Variants in RASGRF2 observed in about 807,000 individuals in gnomAD.
RASGRF2 encodes the protein Ras protein specific guanine nucleotide releasing factor 2, also known as ras-specific guanine nucleotide-releasing factor 2.
A neutral mutation model predicts 151.0 loss-of-function variants in RASGRF2; 76 were observed. That is an observed-to-expected ratio of 0.50 (90% confidence interval 0.42 to 0.61). The LOEUF is 0.61. RASGRF2 is among the 20% of genes least tolerant of loss of function. RASGRF2 has a pLI of 0.00. For synonymous variants in RASGRF2, 504 were observed against 566.5 expected, an observed-to-expected ratio of 0.89 and a Z score of 1.57; for missense variants, 1,148 against 1,564.6, an observed-to-expected ratio of 0.73 and a Z score of 4.49.
At chr5:81,162,715 C>T (rs1314858314) in intron 17 of RASGRF2, among the ~76,000 whole-genome samples, 1 of 152,168 alleles carries the variant, frequency 6.6e-6, no homozygotes, top group Non-Finnish European at 1.5e-5. Context: ...CTCTGACATC[C>T]GACAGGAAAA....
In RASGRF2 at chr5:81,112,701, G is replaced by C; in HGVS notation, c.1930G>C (p.Val644Leu). 6.2e-7 allele frequency: 1 copy of C among 1,614,196 alleles called. No homozygotes were observed. Among genetic ancestry groups the C allele is most frequent in the Non-Finnish European group, 8.5e-7 (1 of 1,180,042 alleles). Residue 644 changes from valine to leucine, a missense_variant, in exon 14 of 27, where the codon GTG becomes CTG. Coordinates refer to ENST00000265080, the MANE Select transcript of RASGRF2 (RefSeq NM_006909.3). ...CKVPQIRYAS[V>L]ERLLERLTDL... ...AGTGCCCCAGATCCGTTATGCCAGCGTGGAGCGCCTCTTGGAACGACTGAC... is the reference window on the plus strand; with the variant it reads ...AGTGCCCCAGATCCGTTATGCCAGCCTGGAGCGCCTCTTGGAACGACTGAC...
At chr5:81,152,273 A>T (rs1229736260) in intron 17 of RASGRF2, among the ~76,000 whole-genome samples, 1 of 152,210 alleles carries the variant, frequency 6.6e-6, no homozygotes, top group Admixed American at 6.5e-5. Context: ...AAGTGCTGAG[A>T]TTACAGGCAT....
chr5:81,027,902 C>G (rs539426875), intron 1 of RASGRF2, among the ~76,000 whole-genome samples: 7 of 152,108 alleles, frequency 4.6e-5, no homozygotes, highest in African/African-American at 1.4e-4. Flanking sequence ...ATGTTGAGGT[C>G]GTCCTGGAGC....
chr5:81,007,788 G>T (rs1359525058), intron 1 of RASGRF2, among the ~76,000 whole-genome samples: 4 of 152,060 alleles, frequency 2.6e-5, no homozygotes, highest in Admixed American at 2.6e-4. Flanking sequence ...TTCTTCAAAG[G>T]AGTGACCTCA....
intron 4 of RASGRF2, among the ~76,000 whole-genome samples, chr5:81,072,366 A>T (rs1751803404): frequency 6.6e-6 from 1 of 152,250 alleles, no homozygotes; most frequent in African/African-American, 2.4e-5. Flanking sequence ...AGAGAATTTT[A>T]GACATTGCAA....
At chr5:81,147,401 A>G (rs1252773844) in intron 17 of RASGRF2, among the ~76,000 whole-genome samples, 1 of 152,216 alleles carries the variant, frequency 6.6e-6, no homozygotes, top group Non-Finnish European at 1.5e-5. Flanking sequence ...TGGAGGCAGC[A>G]TCTGTCATAC....
intron 1 of RASGRF2, among the ~76,000 whole-genome samples, chr5:81,036,234 A>G (rs1750488154): frequency 6.6e-6 from 1 of 151,974 alleles, no homozygotes; most frequent in African/African-American, 2.4e-5. Flanking sequence ...TGGGTTATGA[A>G]TTTTAAATAT....
chr5:81,120,983 AG>A (rs1753291755), intron 15 of RASGRF2, among the ~76,000 whole-genome samples: 1 of 152,108 alleles, frequency 6.6e-6, no homozygotes, highest in Non-Finnish European at 1.5e-5. Context: ...ACTCAGTTGT[AG>A]GGTTTTTTGT....
chr5:81,042,919 C>A lies in RASGRF2; in HGVS notation c.331C>A (p.Leu111Met). ...TTTTGGCCATGAAGGTCAGAAGCCA[C>A]TGGAGCTGCGCTGTGAGGAGGAGCA... is the stretch of plus-strand genomic sequence containing the variant. ...VLFGHEGQKP[L>M]ELRCEEEQDG... Residue 111 changes from leucine (L) to methionine (M), a missense_variant, in exon 2 of 27, where the codon CTG (leucine) becomes ATG (methionine). Coordinates refer to ENST00000265080, the MANE Select transcript of RASGRF2 (RefSeq NM_006909.3). The A allele has an allele frequency of 6.2e-7, 1 of 1,613,062 alleles. No homozygotes were observed. Among genetic ancestry groups the A allele is most frequent in the Non-Finnish European group, 8.5e-7 (1 of 1,179,712 alleles).
chr5:81,017,966 G>A (rs1263677958), intron 1 of RASGRF2, among the ~76,000 whole-genome samples: 1 of 151,980 alleles, frequency 6.6e-6, no homozygotes, highest in Non-Finnish European at 1.5e-5. Flanking sequence ...AAAATTAGCC[G>A]GACATGGTGA....
chr5:81,217,522 T>C lies in RASGRF2; in HGVS notation c.3552+49T>C, dbSNP rs776804326. The C allele has an allele frequency of 4.9e-6, 7 of 1,432,048 alleles. No individual in the cohort carries two copies. In the Admixed American group the frequency reaches 1.6e-4, roughly 33 times the overall value. The allele number at this position is 1,432,048 out of a possible 1,614,324, so 88.7% of individuals were successfully genotyped here. A position where few individuals can be genotyped will look rare whatever the true frequency, so the allele number is the denominator to read the frequency against. The stretch of plus-strand genomic sequence containing the variant: ...CTGTTTCAATGGCTTTAGAGGTTTA[T>C]AGAGAAGAGGCTAAGTAATAAAAGT... On this transcript the variant is annotated intron_variant, in intron 25 of 26. Transcript: ENST00000265080.
chr5:81,186,365 C>A (rs147437924), intron 18 of RASGRF2, among the ~76,000 whole-genome samples: 1 of 152,086 alleles, frequency 6.6e-6, no homozygotes. Flanking sequence ...ACCCCATGCT[C>A]TATTAGTTTT....
At chr5:81,080,020 C>CAT in intron 5 of RASGRF2, 101 bp from the exon 6 acceptor site, 2 of 1,396,158 alleles carry the variant, frequency 1.4e-6, no homozygotes, top group Non-Finnish European at 1.9e-6. Context: ...CCCTATGGGA[C>CAT]ATATATATTA....
intron 2 of RASGRF2, among the ~76,000 whole-genome samples, chr5:81,061,762 T>C (rs535941295): frequency 6.6e-6 from 1 of 152,072 alleles, no homozygotes; most frequent in Admixed American, 6.6e-5. Flanking sequence ...AATACCATCA[T>C]TGCAGCCTTG....
In RASGRF2 at chr5:81,112,686, A is replaced by G; in HGVS notation, c.1915A>G (p.Ile639Val). Residue 639 changes from isoleucine to valine, a missense_variant, in exon 14 of 27, where the codon ATC becomes GTC. Coordinates refer to ENST00000265080, the MANE Select transcript of RASGRF2 (RefSeq NM_006909.3). ...ACTCAACTCCTGCAAAGTGCCCCAG[A>G]TCCGTTATGCCAGCGTGGAGCGCCT... ...KTLNSCKVPQIRYASVERLLE... is the reference protein window; with the variant it reads ...KTLNSCKVPQVRYASVERLLE... 6.2e-7 allele frequency: 1 copy of G among 1,614,184 alleles called. No individual in the cohort carries two copies. Among genetic ancestry groups the G allele is most frequent in the Non-Finnish European group, 8.5e-7 (1 of 1,180,036 alleles).
Position 81,005,189 on chromosome 5 carries a change from C to T in RASGRF2, c.289-37688C>T, listed in dbSNP as rs147945683. 1.7e-3 allele frequency among the ~76,000 whole-genome samples: 252 copies of T among 152,254 alleles called. 4 individuals carry two copies. Among genetic ancestry groups the T allele is most frequent in the African/African-American group, 5.8e-3 (239 of 41,548 alleles). ...TTCCCACGCTGCTAATAAAGACATA[C>T]CTGAGACTGGGCAATTTAGAAGGGA... On this transcript the variant is annotated intron_variant, in intron 1 of 26. Transcript: ENST00000265080.
intron 1 of RASGRF2, among the ~76,000 whole-genome samples, chr5:81,002,695 G>T (rs945432492): frequency 6.6e-6 from 1 of 152,086 alleles, no homozygotes; most frequent in South Asian, 2.1e-4. Context: ...ATGATCTGTC[G>T]TGCCGATCTG....
intron 1 of RASGRF2, among the ~76,000 whole-genome samples, chr5:81,005,409 G>A (rs547899): frequency 0.24 from 36,257 of 152,010 alleles, 4,928 homozygotes; most frequent in Middle Eastern, 0.46. Flanking sequence ...GACAGCTTGA[G>A]GGTAATGGCT....
At position 81,215,861 on chromosome 5, in the gene RASGRF2, T is replaced by G. The variant is rs745536243; in HGVS notation, c.3355-15T>G. ...TAGTATTTTCATCACACTAAGTTTT[T>G]TCTTTTCTTTTTAGACAAAAGCTCT... On this transcript the variant is annotated splice_polypyrimidine_tract_variant and intron_variant, in intron 23 of 26. Coordinates refer to ENST00000265080, the MANE Select transcript of RASGRF2 (RefSeq NM_006909.3). The G allele has an allele frequency of 6.6e-7, 1 of 1,511,548 alleles. No homozygotes were observed. Among genetic ancestry groups the G allele is most frequent in the South Asian group, 1.4e-5 (1 of 72,240 alleles). 93.6% of individuals were successfully genotyped at this position (1,511,548 alleles called of 1,614,324 possible).
Sources: allele counts gnomAD v4.1 joint callset (sites outside exome capture counted in the v4.1 genomes callset), GRCh38; gene constraint gnomAD v4.1.1; transcripts MANE v1.5; gene names NCBI Gene and HGNC (gene_info 2026-07-23, HGNC 2026-07-21).